DSTN: variants seen among roughly 807,000 people sequenced by gnomAD.
DSTN encodes destrin.
In DSTN, 10 loss-of-function variants were observed where a neutral mutation model predicts 16.8. The ratio of observed to expected loss-of-function variants is 0.60; its 90% CI spans 0.37 to 1.01. The LOEUF is 1.01. DSTN is among the 50% of genes least tolerant of loss of function. The pLI, the probability that DSTN is intolerant of heterozygous loss-of-function variation, is 0.01. For missense variants in DSTN, 141 were observed against 196.7 expected (o/e 0.72, Z 1.69); for synonymous variants, 57 against 58.9 (o/e 0.97, Z 0.14).
intron 1 of DSTN, among the ~76,000 whole-genome samples, chr20:17,593,596 C>G (rs2035494514): frequency 6.6e-6 from 1 of 152,168 alleles, no homozygotes; most frequent in African/African-American, 2.4e-5. Flanking sequence ...GAGAATTGAT[C>G]TGACATCTAA....
intron 1 of DSTN, among the ~76,000 whole-genome samples, chr20:17,584,592 C>T (rs1016659263): frequency 3.1e-4 from 47 of 149,224 alleles, no homozygotes; most frequent in African/African-American, 1.0e-3. Context: ...GCGGAAGTTG[C>T]AGTGAGCCGA....
intron 1 of DSTN, among the ~76,000 whole-genome samples, chr20:17,598,161 C>T (rs181871189): frequency 3.7e-4 from 57 of 152,186 alleles, no homozygotes; most frequent in African/African-American, 1.3e-3. Flanking sequence ...CATTTGTGTA[C>T]AGGTGTTGGT....
chr20:17,596,704 G>C, intron 1 of DSTN: 1 of 985,402 alleles, frequency 1.0e-6, no homozygotes. Flanking sequence ...AAGCACAAGT[G>C]TCTAATGGTA....
At chr20:17,595,362 A>G (rs1303810050) in intron 1 of DSTN, among the ~76,000 whole-genome samples, 1 of 152,190 alleles carries the variant, frequency 6.6e-6, no homozygotes, top group Non-Finnish European at 1.5e-5. Flanking sequence ...TTGGCAGTGT[A>G]TCTTCCTTCC....
At chr20:17,601,365 C>G (rs557055543) in intron 2 of DSTN, among the ~76,000 whole-genome samples, 80 of 151,666 alleles carry the variant, frequency 5.3e-4, no homozygotes, top group Middle Eastern at 3.4e-3. Flanking sequence ...ACTTATAAGC[C>G]AAAACCCTAC....
chr20:17,573,501 T>C (rs1014205271), intron 1 of DSTN, among the ~76,000 whole-genome samples: 15 of 152,242 alleles, frequency 9.9e-5, no homozygotes, highest in African/African-American at 3.6e-4. Context: ...ATAGGCAATT[T>C]CCATGTCATA....
chr20:17,581,253 A>T (rs190572116), intron 1 of DSTN, among the ~76,000 whole-genome samples: 4 of 152,240 alleles, frequency 2.6e-5, no homozygotes, highest in East Asian at 3.9e-4. Flanking sequence ...GGCCGAGGTG[A>T]GAGGATCACT....
rs201904364 is a variant in DSTN, at chr20:17,574,743, A to T, written c.3+4532A>T. Among the ~76,000 whole-genome samples the T allele has an allele frequency of 7.2e-4, 108 of 149,686 alleles. 1 individual carries two copies. The South Asian group carries it at 7.3e-3, about 10-fold the overall frequency. ...TCAGTCTCAAAAAAAAAAAAAAAAA[A>T]AAAATTAAAAGTCTAAAAAACAAAC... On this transcript the variant is annotated intron_variant, in intron 1 of 3. Coordinates refer to ENST00000246069, the MANE Select transcript of DSTN (RefSeq NM_006870.4).
chr20:17,583,654 C>T (rs998629833), intron 1 of DSTN, among the ~76,000 whole-genome samples: 2 of 110,066 alleles, frequency 1.8e-5, no homozygotes, highest in Non-Finnish European at 3.3e-5. Flanking sequence ...TCCATAGAGA[C>T]AGAAAGTACA....
intron 1 of DSTN, among the ~76,000 whole-genome samples, chr20:17,583,775 C>T (rs1406461988): frequency 2.9e-5 from 3 of 104,854 alleles, no homozygotes; most frequent in African/African-American, 1.1e-4. Context: ...AGGTCTCTGT[C>T]ACCCAGGTTG....
chr20:17,577,162 T>C (rs2035288084), intron 1 of DSTN, among the ~76,000 whole-genome samples: 2 of 152,244 alleles, frequency 1.3e-5, no homozygotes, highest in Admixed American at 1.3e-4. Flanking sequence ...TATCTCATTA[T>C]GTATATGCAA....
Position 17,570,106 on chromosome 20 carries a change from C to A in DSTN, c.-103C>A. ...GGGTAAGCTCGCGCCGCCGCGTCAG[C>A]TCAGCGCTGGGTCTCTCGGTCCCGC... On this transcript the variant is annotated 5_prime_UTR_variant, in exon 1 of 4. Coordinates refer to ENST00000246069, the MANE Select transcript of DSTN (RefSeq NM_006870.4). 1 of 1,488,748 alleles carries A rather than the reference C, an allele frequency of 6.7e-7. No individual in the cohort carries two copies. The highest frequency in any genetic ancestry group is 8.9e-7 in the Non-Finnish European group (1 of 1,122,610). 92.2% of individuals were successfully genotyped at this position (1,488,748 alleles called of 1,614,324 possible).
At chr20:17,592,745 G>C (rs941920340) in intron 1 of DSTN, among the ~76,000 whole-genome samples, 3 of 152,076 alleles carry the variant, frequency 2.0e-5, no homozygotes, top group Non-Finnish European at 4.4e-5. Context: ...TTATTAATTA[G>C]CCTCCTGATC....
At chr20:17,599,069 A>G (rs2035558026) in intron 1 of DSTN, among the ~76,000 whole-genome samples, 1 of 152,252 alleles carries the variant, frequency 6.6e-6, no homozygotes, top group Non-Finnish European at 1.5e-5. Context: ...CCAAATGTCT[A>G]TCAACTGATG....
Position 17,572,352 on chromosome 20 carries a change from T to C in DSTN, c.3+2141T>C, listed in dbSNP as rs184912540. 1.7e-3 allele frequency among the ~76,000 whole-genome samples: 264 copies of C among 152,304 alleles called. 2 individuals are homozygous for C. The highest frequency in any genetic ancestry group is 5.9e-3 in the African/African-American group (245 of 41,558). ...AAACAAAACGTGTGTGTGTGTGTAC[T>C]GGGTGTGCCAGCCTCCTTATACAGA... On this transcript the variant is annotated intron_variant, in intron 1 of 3. Coordinates refer to ENST00000246069, the MANE Select transcript of DSTN (RefSeq NM_006870.4).
intron 1 of DSTN, among the ~76,000 whole-genome samples, chr20:17,598,830 T>C (rs2035554822): frequency 6.6e-6 from 1 of 152,162 alleles, no homozygotes; most frequent in South Asian, 2.1e-4. Flanking sequence ...ACGCCTGAAC[T>C]CAAGTGATCT....
chr20:17,607,163 A>G lies in DSTN; in HGVS notation c.*17A>G, dbSNP rs375569189. On this transcript the variant is annotated 3_prime_UTR_variant, in exon 4 of 4. Coordinates refer to ENST00000246069, the MANE Select transcript of DSTN (RefSeq NM_006870.4). The stretch of plus-strand genomic sequence containing the variant: ...CCTGTGTAGATTATTCAGTGCCACA[A>G]ATTGAAAGCTTCCATGTTTAATGTT... 1.1e-5 allele frequency: 17 copies of G among 1,602,720 alleles called. No homozygotes were observed. The highest frequency in any genetic ancestry group is 1.1e-5 in the South Asian group (1 of 89,584).
At chr20:17,597,458 CTTTATT>C (rs2122199597) in intron 1 of DSTN, among the ~76,000 whole-genome samples, 1 of 152,206 alleles carries the variant, frequency 6.6e-6, no homozygotes, top group East Asian at 1.9e-4. Context: ...AAAGTGACAA[CTTTATT>C]TTTATTTGTT....
intron 1 of DSTN, among the ~76,000 whole-genome samples, chr20:17,589,394 A>G (rs2035446380): frequency 1.3e-5 from 2 of 152,102 alleles, no homozygotes; most frequent in African/African-American, 4.8e-5. Flanking sequence ...TATTTTTAGT[A>G]GACACGGGGT....
Sources: allele counts gnomAD v4.1 joint callset (sites outside exome capture counted in the v4.1 genomes callset), GRCh38; gene constraint gnomAD v4.1.1; transcripts MANE v1.5; gene names NCBI Gene and HGNC (gene_info 2026-07-23, HGNC 2026-07-21).